NDRG4: variants seen among roughly 807,000 people sequenced by gnomAD.
NDRG4 encodes the protein protein NDRG4.
A neutral mutation model predicts 55.8 loss-of-function variants in NDRG4; 38 were observed. That is an observed-to-expected ratio of 0.68 (90% CI 0.53 to 0.89). The LOEUF (loss-of-function observed/expected upper bound fraction) is 0.89. NDRG4 is among the 40% of genes least tolerant of loss of function. The probability of loss-of-function intolerance (pLI) is 0.00; values close to 1 mark genes in which losing one functional copy is unlikely to be tolerated. For synonymous variants in NDRG4, 190 were observed against 182.7 expected, an observed-to-expected ratio of 1.04 and a Z score of -0.32; for missense variants, 455 against 468.6, an observed-to-expected ratio of 0.97 and a Z score of 0.27.
intron 1 of NDRG4, among the ~76,000 whole-genome samples, chr16:58,469,506 CAAAT>C (rs1283179692): frequency 1.3e-5 from 2 of 151,998 alleles, no homozygotes; most frequent in African/African-American, 2.4e-5. Flanking sequence ...TTTTTAGGAA[CAAAT>C]AAAGATGTGT....
At chr16:58,501,237 C>T (rs984083577) in intron 1 of NDRG4, 4 of 411,836 alleles carry the variant, frequency 9.7e-6, no homozygotes, top group Non-Finnish European at 1.7e-5. Flanking sequence ...CAGACCCTGT[C>T]CCCTGAATTA....
At chr16:58,472,794 C>T (rs1180645225) in intron 1 of NDRG4, among the ~76,000 whole-genome samples, 3 of 152,128 alleles carry the variant, frequency 2.0e-5, no homozygotes, top group Non-Finnish European at 4.4e-5. Context: ...CACAGACCGT[C>T]CTCCTGAAAA....
chr16:58,489,119 T>A (rs2035473167), intron 2 of NDRG4, among the ~76,000 whole-genome samples: 1 of 151,962 alleles, frequency 6.6e-6, no homozygotes, highest in South Asian at 2.1e-4. Flanking sequence ...GCCAACATGG[T>A]GAAACCCTGT....
At chr16:58,509,097 G>C (rs2038424733) in intron 11 of NDRG4, 57 bp from the exon 12 acceptor site, 5 of 1,613,908 alleles carry the variant, frequency 3.1e-6, no homozygotes, top group Non-Finnish European at 4.2e-6. Context: ...CAGCCAGGGT[G>C]GGAGCTTGTC....
chr16:58,487,979 C>A, intron 2 of NDRG4: 1 of 638,952 alleles, frequency 1.6e-6, no homozygotes, highest in Non-Finnish European at 2.4e-6. Context: ...CCTGTCCCTG[C>A]CTGTGGGGGG....
intron 1 of NDRG4, among the ~76,000 whole-genome samples, chr16:58,482,613 C>A (rs2034541961): frequency 1.3e-5 from 2 of 151,308 alleles, no homozygotes; most frequent in South Asian, 4.2e-4. Context: ...CATTTTTTTT[C>A]TCCTCTTCTC....
At chr16:58,492,489 CGTGTGTGTGTGTGTGTGTGT>C (rs58901035) in intron 2 of NDRG4, among the ~76,000 whole-genome samples, 2,062 of 124,024 alleles carry the variant, frequency 0.017, 51 homozygotes, top group Admixed American at 0.044. Flanking sequence ...TCTGCTCCAC[CGTGTGTGTGTGTGTGTGTGT>C]GTGTGTGTGT....
Position 58,503,859 on chromosome 16 carries a change from G to A in NDRG4, c.83G>A (p.Gly28Glu). Residue 28 changes from glycine (G) to glutamate (E), a missense_variant, in exon 2 of 15, where the codon GGG becomes GAG. Coordinates refer to ENST00000570248, the MANE Select transcript of NDRG4 (RefSeq NM_001242835.2). ...LHVVIRGSPK[G>E]NRPAILTYHD... ...GTAGTGATCCGGGGCTCCCCCAAGGGGAACCGCCCAGCCATCCTCACCTAC... is the reference window on the plus strand; with the variant it reads ...GTAGTGATCCGGGGCTCCCCCAAGGAGAACCGCCCAGCCATCCTCACCTAC... 6.2e-7 allele frequency: 1 copy of A among 1,613,930 alleles called. No homozygotes were observed.
Position 58,490,574 on chromosome 16 carries a change from T to G in NDRG4, c.72+2724T>G, listed in dbSNP as rs187489835. Among the ~76,000 whole-genome samples the G allele has an allele frequency of 5.3e-5, 8 of 152,340 alleles. No homozygotes were observed. In the East Asian group the frequency reaches 1.5e-3, roughly 29 times the overall value. ...CCACTATAACATCCTCACCCCTGCATGAGGGTCTCCGTTTCAGATCCTGTG... is the reference window on the plus strand; with the variant it reads ...CCACTATAACATCCTCACCCCTGCAGGAGGGTCTCCGTTTCAGATCCTGTG... On this transcript the variant is annotated intron_variant, in intron 2 of 15. Coordinates refer to the NDRG4 transcript ENST00000258187.
intron 1 of NDRG4, among the ~76,000 whole-genome samples, chr16:58,476,597 G>A (rs1275179034): frequency 1.3e-5 from 2 of 152,060 alleles, no homozygotes; most frequent in African/African-American, 4.8e-5. Flanking sequence ...GCCTCATGCT[G>A]TTACTGCCAT....
chr16:58,490,271 G>A (rs544781104), intron 2 of NDRG4, among the ~76,000 whole-genome samples: 3 of 152,334 alleles, frequency 2.0e-5, no homozygotes, highest in Admixed American at 1.3e-4. Flanking sequence ...ACAGCCGCAC[G>A]GAGGTGCTGC....
chr16:58,482,665 A>C (rs138491110), intron 1 of NDRG4, among the ~76,000 whole-genome samples: 384 of 71,102 alleles, frequency 5.4e-3, no homozygotes, highest in Middle Eastern at 0.01. Flanking sequence ...CTCTCTTTCC[A>C]TCCCTCCCTT....
In NDRG4 at chr16:58,504,266, T is replaced by C; in HGVS notation, c.240T>C (p.Phe80=). The change falls in exon 3 of 15, where the codon TTT becomes TTC. Residue 80 remains phenylalanine, a synonymous_variant. Transcript: ENST00000570248. Reference sequence around the variant, plus strand: ...GACAACAGGTGGGGGCGTCGCAGTTTCCTCAGGGGTAGGTACCCTGAGCCC... The same window carrying C: ...GACAACAGGTGGGGGCGTCGCAGTTCCCTCAGGGGTAGGTACCCTGAGCCC... ...APGQQVGASQ[F]PQGYQFPSME... 6.2e-7 allele frequency: 1 copy of C among 1,614,104 alleles called. No homozygotes were observed.
chr16:58,505,702 G>A (rs1311893118), intron 5 of NDRG4, among the ~76,000 whole-genome samples: 1 of 143,374 alleles, frequency 7.0e-6, no homozygotes, highest in Admixed American at 6.9e-5. Context: ...ATATCATGAG[G>A]GCTTCATTTT....
intron 1 of NDRG4, among the ~76,000 whole-genome samples, chr16:58,479,501 A>G (rs1480208656): frequency 1.3e-5 from 2 of 152,176 alleles, no homozygotes; most frequent in Admixed American, 1.3e-4. Context: ...ACTGACAGAT[A>G]TTTGCATTTA....
At chr16:58,485,501 G>C (rs748857942) in intron 1 of NDRG4, among the ~76,000 whole-genome samples, 6 of 152,114 alleles carry the variant, frequency 3.9e-5, no homozygotes, top group Non-Finnish European at 8.8e-5. Flanking sequence ...GGCTACTAAG[G>C]GGTTTAATTG....
chr16:58,499,831 T>G, upstream of NDRG4: 1 of 349,580 alleles, frequency 2.9e-6, no homozygotes, highest in Non-Finnish European at 5.5e-6. Flanking sequence ...AGTCTGTACG[T>G]GTGGTCTCGG....
At chr16:58,501,948 G>T (rs1253790073) in intron 1 of NDRG4, 2 of 455,312 alleles carry the variant, frequency 4.4e-6, no homozygotes, top group Non-Finnish European at 8.8e-6. Context: ...TATGCAGCAG[G>T]AGGCGCATTG....
intron 1 of NDRG4, among the ~76,000 whole-genome samples, chr16:58,487,076 C>T (rs1454736435): frequency 2.0e-5 from 3 of 152,088 alleles, no homozygotes; most frequent in African/African-American, 2.4e-5. Context: ...CAGAGGCCCT[C>T]GGCAGGGGAC....
Sources: allele counts gnomAD v4.1 joint callset (sites outside exome capture counted in the v4.1 genomes callset), GRCh38; gene constraint gnomAD v4.1.1; transcripts MANE v1.5; gene names NCBI Gene and HGNC (gene_info 2026-07-23, HGNC 2026-07-21).